Variants in DCAF8L2 observed in about 807,000 individuals in gnomAD.
DCAF8L2 encodes DDB1 and CUL4 associated factor 8 like 2.
For missense variants in DCAF8L2, 430 were observed against 490.7 expected, an observed-to-expected ratio of 0.88 and a Z score of 1.17; for synonymous variants, 200 against 190.9, an observed-to-expected ratio of 1.05 and a Z score of -0.39.
the DCAF8L2 span, among the ~76,000 whole-genome samples, chrX:27,547,845 T>TTCTCTC: frequency 2.2e-5 from 1 of 46,291 alleles, no homozygotes; most frequent in Admixed American, 2.7e-4. Context: ...CTCTCTCTCT[T>TTCTCTC]TCTCTCTCTC....
rs1247482209 is a variant in DCAF8L2 at position 27,748,073 on chromosome X, T to C, written c.1178T>C (p.Ile393Thr). The C allele has an allele frequency of 8.3e-7, 1 of 1,210,368 alleles. No individual in the cohort carries two copies. The highest frequency in any genetic ancestry group is 3.0e-5 in the East Asian group (1 of 33,779). ...AVGGQDQFVR[I>T]YDQRKIDKKE... is the part of the protein sequence containing the mutation. The stretch of plus-strand genomic sequence containing the variant: ...GGTGGACAAGATCAGTTTGTAAGGA[T>C]TTATGACCAGAGGAAAATTGATAAG... Residue 393 changes from isoleucine (I) to threonine (T), a missense_variant, in exon 5 of 5, where the codon ATT becomes ACT. Physicochemically the swap from Ile to Thr is moderately conservative, Grantham distance 89. Transcript: ENST00000451261.
intron 1 of DCAF8L2, among the ~76,000 whole-genome samples, chrX:27,610,594 G>T (rs931566896): frequency 4.5e-5 from 5 of 111,646 alleles, no homozygotes; most frequent in Non-Finnish European, 9.4e-5. Flanking sequence ...GAACATTTTT[G>T]AGGAAAGTGC....
intron 3 of DCAF8L2, among the ~76,000 whole-genome samples, chrX:27,689,908 T>C (rs1010175300): frequency 9.0e-6 from 1 of 111,032 alleles, no homozygotes; most frequent in East Asian, 2.8e-4. Context: ...AATAAGAAAA[T>C]AGGAACAAAA....
the DCAF8L2 span, among the ~76,000 whole-genome samples, chrX:27,492,962 T>G: frequency 1.8e-5 from 2 of 112,237 alleles, no homozygotes; most frequent in East Asian, 5.6e-4. Context: ...CCAGGTGCAG[T>G]GTCTCACGCC....
chrX:27,589,237 G>A (rs929395907), upstream of DCAF8L2, among the ~76,000 whole-genome samples: 3 of 111,558 alleles, frequency 2.7e-5, no homozygotes, highest in Non-Finnish European at 5.6e-5. Flanking sequence ...TTATAGAGTG[G>A]TCATGGGCTT....
intron 1 of DCAF8L2, among the ~76,000 whole-genome samples, chrX:27,623,066 C>T (rs1004142212): frequency 8.9e-6 from 1 of 111,971 alleles, no homozygotes; most frequent in African/African-American, 3.2e-5. Context: ...TTGCTGGTGA[C>T]AAGAGATAGA....
chrX:27,642,552 C>A (rs1172492090), intron 2 of DCAF8L2, among the ~76,000 whole-genome samples: 2 of 110,790 alleles, frequency 1.8e-5, no homozygotes, highest in African/African-American at 3.3e-5. Flanking sequence ...TCTGCAGATC[C>A]TCAGAGCTTT....
At chrX:27,488,147 A>T in the DCAF8L2 span, among the ~76,000 whole-genome samples, 1 of 111,753 alleles carries the variant, frequency 8.9e-6, no homozygotes, top group Non-Finnish European at 1.9e-5. Flanking sequence ...CTATATCATC[A>T]ACAATACTGG....
chrX:27,580,047 C>G, the DCAF8L2 span, among the ~76,000 whole-genome samples: 3 of 109,900 alleles, frequency 2.7e-5, no homozygotes, highest in Non-Finnish European at 3.8e-5. Context: ...AATATGCTAA[C>G]TATAGTTTGT....
intron 1 of DCAF8L2, among the ~76,000 whole-genome samples, chrX:27,609,435 A>G (rs1423930963): frequency 1.8e-5 from 2 of 111,643 alleles, no homozygotes; most frequent in East Asian, 5.7e-4. Flanking sequence ...ATAATGGTCT[A>G]TTCTGAAAAT....
the DCAF8L2 span, among the ~76,000 whole-genome samples, chrX:27,581,136 C>T: frequency 8.9e-6 from 1 of 111,902 alleles, no homozygotes; most frequent in African/African-American, 3.2e-5. Flanking sequence ...TGACCTTATA[C>T]GGCTTATGGC....
chrX:27,502,354 A>G, the DCAF8L2 span, among the ~76,000 whole-genome samples: 1 of 61,295 alleles, frequency 1.6e-5, no homozygotes, highest in Non-Finnish European at 3.3e-5. Flanking sequence ...ATATATATAT[A>G]TATATATATA....
chrX:27,589,185 T>C (rs1390134513), upstream of DCAF8L2, among the ~76,000 whole-genome samples: 1 of 111,741 alleles, frequency 8.9e-6, no homozygotes, highest in Admixed American at 9.6e-5. Flanking sequence ...GCCTTGAATA[T>C]ACTAAACAAC....
chrX:27,587,374 A>G (rs760273220), upstream of DCAF8L2, among the ~76,000 whole-genome samples: 9 of 111,735 alleles, frequency 8.1e-5, no homozygotes, highest in South Asian at 3.0e-3. Flanking sequence ...AGATAAAATC[A>G]TAAAAGAGAA....
At chrX:27,692,939 T>G (rs1602741542) in intron 3 of DCAF8L2, among the ~76,000 whole-genome samples, 1 of 111,505 alleles carries the variant, frequency 9.0e-6, no homozygotes, top group Non-Finnish European at 1.9e-5. Context: ...CTGAGAAAGC[T>G]TGCCTGAATC....
chrX:27,518,753 A>G, the DCAF8L2 span: 26 of 224,336 alleles, frequency 1.2e-4, no homozygotes, highest in East Asian at 2.7e-3. Flanking sequence ...AAAAATAATA[A>G]TAAGTAATAA....
At chrX:27,493,706 C>CAA in the DCAF8L2 span, among the ~76,000 whole-genome samples, 5 of 18,375 alleles carry the variant, frequency 2.7e-4, no homozygotes, top group Admixed American at 8.0e-4. Context: ...AACTCCATCT[C>CAA]AAAAAAAAAA....
intron 1 of DCAF8L2, among the ~76,000 whole-genome samples, chrX:27,607,191 C>T (rs1926946944): frequency 8.9e-6 from 1 of 111,806 alleles, no homozygotes; most frequent in Non-Finnish European, 1.9e-5. Flanking sequence ...ATTTTGCTTA[C>T]TATGCTGTTT....
At chrX:27,479,816 A>G in the DCAF8L2 span, among the ~76,000 whole-genome samples, 4 of 112,136 alleles carry the variant, frequency 3.6e-5, no homozygotes, top group African/African-American at 9.7e-5. Flanking sequence ...CCCTTTCACT[A>G]TACGACAGCA....
Sources: allele counts gnomAD v4.1 joint callset (sites outside exome capture counted in the v4.1 genomes callset), GRCh38; gene constraint gnomAD v4.1.1; transcripts MANE v1.5; gene names NCBI Gene and HGNC (gene_info 2026-07-23, HGNC 2026-07-21).